The following REL variants were observed in gnomAD, a reference collection of about 807,000 sequenced individuals.
REL encodes the protein proto-oncogene c-Rel.
In REL, 15 loss-of-function variants were observed where a neutral mutation model predicts 45.9. The observed-to-expected ratio is 0.33, with a 90% CI of 0.22 to 0.50. The LOEUF (loss-of-function observed/expected upper bound fraction) is 0.50, where lower values mean the gene tolerates loss of function less well. REL is among the 20% of genes least tolerant of loss of function. The pLI is 0.98. For missense variants in REL, 601 were observed against 715.2 expected (o/e 0.84, Z 1.82); for synonymous variants, 239 against 242.1 (o/e 0.99, Z 0.12).
chr2:60,884,402 A>G (rs1253207312), intron 1 of REL, among the ~76,000 whole-genome samples: 1 of 152,088 alleles, frequency 6.6e-6, no homozygotes, highest in Non-Finnish European at 1.5e-5. Context: ...TAGCAGATTA[A>G]TTAGGATTTC....
In REL at chr2:60,888,884, T is replaced by C. The variant is rs1450627241; in HGVS notation, c.11-2799T>C. ...CTTTTAAATAATCCTTCATTCATCTTATCACTGCCATATATCAGAGATACC... is the reference window on the plus strand; with the variant it reads ...CTTTTAAATAATCCTTCATTCATCTCATCACTGCCATATATCAGAGATACC... On this transcript the variant is annotated intron_variant, in intron 1 of 9. Coordinates refer to ENST00000394479, the MANE Select transcript of REL (RefSeq NM_001291746.2). Among the ~76,000 whole-genome samples, 5 of 152,256 alleles carry C rather than the reference T, an allele frequency of 3.3e-5. No homozygotes were observed. The East Asian group carries it at 9.6e-4, about 29-fold the overall frequency.
In REL at chr2:60,930,989, A is replaced by G. The variant is rs1193428127; in HGVS notation, c.*8454A>G. The G allele has an allele frequency of 1.3e-5, 2 of 152,406 alleles. No homozygotes were observed. Among genetic ancestry groups the G allele is most frequent in the Admixed American group, 1.3e-4 (2 of 15,284 alleles). 9.4% of individuals were successfully genotyped at this position (152,406 alleles called of 1,614,324 possible). On this transcript the variant is annotated 3_prime_UTR_variant, in exon 10 of 10. Transcript: ENST00000394479. ...TGAAATATAAATTTTTGGTAAAAGT[A>G]TCAAACATTCATCTTGCCCATTTTT...
At chr2:60,905,313 C>T (rs900949406) in intron 4 of REL, among the ~76,000 whole-genome samples, 4 of 152,132 alleles carry the variant, frequency 2.6e-5, no homozygotes, top group Admixed American at 2.0e-4. Context: ...CCAGGATGGT[C>T]TCAATCTCCT....
intron 3 of REL, 132 bp from the exon 4 acceptor site, chr2:60,900,860 C>A: frequency 1.3e-6 from 1 of 748,538 alleles, no homozygotes; most frequent in Non-Finnish European, 2.1e-6. Flanking sequence ...TTTATCAGAG[C>A]AATTGGAAGC....
At chr2:60,890,827 G>T (rs1199761299) in intron 1 of REL, among the ~76,000 whole-genome samples, 1 of 152,110 alleles carries the variant, frequency 6.6e-6, no homozygotes, top group East Asian at 1.9e-4. Flanking sequence ...TAGGCAACCA[G>T]TGATCTGCTA....
chr2:60,905,824 A>G (rs1573330521), intron 4 of REL, among the ~76,000 whole-genome samples: 1 of 152,286 alleles, frequency 6.6e-6, no homozygotes, highest in South Asian at 2.1e-4. Flanking sequence ...CTAGATCAGT[A>G]TTTCTTAACT....
In REL at chr2:60,922,788, A is replaced by C. The variant is rs576535845; in HGVS notation, c.*253A>C. On this transcript the variant is annotated 3_prime_UTR_variant, in exon 10 of 10. Transcript: ENST00000394479. ...GCCAGGCGCAGGGGCTCACACCTGTAATCCTAGCACTTTGGGAGGCCAAGG... is the reference window on the plus strand; with the variant it reads ...GCCAGGCGCAGGGGCTCACACCTGTCATCCTAGCACTTTGGGAGGCCAAGG... The C allele has an allele frequency of 3.7e-6, 4 of 1,067,988 alleles. No individual in the cohort carries two copies. The African/African-American group carries it at 6.7e-5, about 18-fold the overall frequency. 66.2% of individuals were successfully genotyped at this position (1,067,988 alleles called of 1,614,324 possible).
At chr2:60,902,595 C>CTTT (rs59468048) in intron 4 of REL, among the ~76,000 whole-genome samples, 3 of 120,778 alleles carry the variant, frequency 2.5e-5, no homozygotes, top group African/African-American at 3.0e-5. Flanking sequence ...ATTTAGTCAT[C>CTTT]TTTTTTTTTT....
intron 1 of REL, among the ~76,000 whole-genome samples, chr2:60,887,163 A>G (rs150966090): frequency 2.0e-5 from 3 of 152,354 alleles, no homozygotes; most frequent in African/African-American, 7.2e-5. Flanking sequence ...AAAGCACAGT[A>G]CTGAGGAAGG....
Position 60,920,150 on chromosome 2 carries a change from GTT to G in REL, c.922+44_922+45del, listed in dbSNP as rs779782452. 2.9e-6 allele frequency: 4 copies of G among 1,373,858 alleles called. No individual in the cohort carries two copies. The South Asian group carries it at 5.0e-5, about 17-fold the overall frequency. 85.1% of individuals were successfully genotyped at this position (1,373,858 alleles called of 1,614,324 possible). ...ATCGATTCATATTTAAATAGGTTTT[GTT>G]TTATTTACTTTATTCAGTTTTTCAA... On this transcript the variant is annotated intron_variant, in intron 8 of 9. Coordinates refer to ENST00000394479, the MANE Select transcript of REL (RefSeq NM_001291746.2).
Position 60,930,707 on chromosome 2 carries a change from C to T in REL, c.*8172C>T, listed in dbSNP as rs909770417. 1.2e-4 allele frequency: 19 copies of T among 152,292 alleles called. No homozygotes were observed. The highest frequency in any genetic ancestry group is 7.4e-5 in the Non-Finnish European group (5 of 68,000). The allele number at this position is 152,292 out of a possible 1,614,324, so 9.4% of individuals were successfully genotyped here. A position where few individuals can be genotyped will look rare whatever the true frequency, so the allele number is the denominator to read the frequency against. On this transcript the variant is annotated 3_prime_UTR_variant, in exon 10 of 10. Coordinates refer to ENST00000394479, the MANE Select transcript of REL (RefSeq NM_001291746.2). ...ATCAAAGTTTTCAAAAGTAATCACT[C>T]TATTTATTCTAAATGTCTGTGGCTT... is the stretch of plus-strand genomic sequence containing the variant.
intron 4 of REL, among the ~76,000 whole-genome samples, chr2:60,905,456 G>T (rs190747599): frequency 7.2e-5 from 11 of 152,294 alleles, no homozygotes; most frequent in Non-Finnish European, 7.3e-5. Context: ...ATGTGCATAG[G>T]AATATCTTAG....
chr2:60,894,549 A>C lies in REL; in HGVS notation c.302+4A>C, dbSNP rs780858886. On this transcript the variant is annotated splice_donor_region_variant and intron_variant, in intron 3 of 9. Coordinates refer to ENST00000394479, the MANE Select transcript of REL (RefSeq NM_001291746.2). ...GACAAGAACGCAGACCTTTGTTGTA[A>C]GTACACAGTTACAGACATCTTCAGA... is the stretch of plus-strand genomic sequence containing the variant. 1 of 1,577,518 alleles carries C rather than the reference A, an allele frequency of 6.3e-7. No individual in the cohort carries two copies. The highest frequency in any genetic ancestry group is 1.2e-5 in the South Asian group (1 of 84,678).
rs1673920360 is a variant in REL, at chr2:60,914,875, C to T, written c.395-2002C>T. Among the ~76,000 whole-genome samples, 4 of 150,278 alleles carry T rather than the reference C, an allele frequency of 2.7e-5. No homozygotes were observed. The South Asian group carries it at 8.5e-4, about 32-fold the overall frequency. On this transcript the variant is annotated intron_variant, in intron 4 of 9. Transcript: ENST00000394479. ...TTGAGATGGAGTCTTGCTCTGTCGC[C>T]CAGGCTGGAGTGCAGTGGCACAATT...
chr2:60,889,624 C>G (rs1364204855), intron 1 of REL, among the ~76,000 whole-genome samples: 1 of 152,070 alleles, frequency 6.6e-6, no homozygotes, highest in Non-Finnish European at 1.5e-5. Flanking sequence ...CTTCCCCCAC[C>G]CCACAACAGG....
chr2:60,910,837 C>T (rs573072498), intron 4 of REL, among the ~76,000 whole-genome samples: 10 of 152,158 alleles, frequency 6.6e-5, no homozygotes, highest in Non-Finnish European at 1.0e-4. Flanking sequence ...GAGGCTGAGG[C>T]GTTAGAATCT....
At chr2:60,891,505 GA>G (rs1265257327) in intron 1 of REL, among the ~76,000 whole-genome samples, 177 bp from the exon 2 acceptor site, 1 of 151,766 alleles carries the variant, frequency 6.6e-6, no homozygotes, top group East Asian at 1.9e-4. Context: ...ATTTGAATGG[GA>G]AAAAAAGGTG....
chr2:60,908,079 A>G (rs1050129705), intron 4 of REL, among the ~76,000 whole-genome samples: 1 of 152,142 alleles, frequency 6.6e-6, no homozygotes, highest in Non-Finnish European at 1.5e-5. Flanking sequence ...TAAGTCTGAG[A>G]TAACATCTTC....
chr2:60,930,158 A>C lies in REL; in HGVS notation c.*7623A>C, dbSNP rs1200687528. The C allele has an allele frequency of 6.6e-6, 1 of 152,302 alleles. No homozygotes were observed. Among genetic ancestry groups the C allele is most frequent in the Non-Finnish European group, 1.5e-5 (1 of 68,050 alleles). The allele number at this position is 152,302 out of a possible 1,614,324, so 9.4% of individuals were successfully genotyped here. A position where few individuals can be genotyped will look rare whatever the true frequency, so the allele number is the denominator to read the frequency against. ...GGTAATACCCAGCCTGCTACCTAAC[A>C]GGTTGTGTTGTACTAAATAAAATGG... On this transcript the variant is annotated 3_prime_UTR_variant, in exon 10 of 10. Transcript: ENST00000394479.
Sources: allele counts gnomAD v4.1 joint callset (sites outside exome capture counted in the v4.1 genomes callset), GRCh38; gene constraint gnomAD v4.1.1; transcripts MANE v1.5; gene names NCBI Gene and HGNC (gene_info 2026-07-23, HGNC 2026-07-21).